Variants in CNTNAP5 observed in about 807,000 individuals in gnomAD.
CNTNAP5 encodes the protein contactin associated protein family member 5.
Under a neutral mutation model 150.2 loss-of-function variants are expected in CNTNAP5, and 72 were observed. That is an observed-to-expected ratio of 0.48 (90% CI 0.40 to 0.58). The LOEUF (loss-of-function observed/expected upper bound fraction) is 0.58, where lower values mean the gene tolerates loss of function less well. Among genes scored for constraint, CNTNAP5 ranks in the 20% least tolerant of loss-of-function variants. The pLI is 0.00. For synonymous variants in CNTNAP5, 672 were observed against 619.8 expected, an observed-to-expected ratio of 1.08 and a Z score of -1.25; for missense variants, 1,636 against 1,626.2, an observed-to-expected ratio of 1.01 and a Z score of -0.10.
chr2:124,690,889 T>C (rs1037617626), intron 13 of CNTNAP5, among the ~76,000 whole-genome samples: 9 of 152,074 alleles, frequency 5.9e-5, no homozygotes, highest in African/African-American at 2.2e-4. Flanking sequence ...ATCATGTTGC[T>C]ATACGGGCAA....
chr2:124,520,689 GC>G (rs1332038883), intron 8 of CNTNAP5, among the ~76,000 whole-genome samples: 1 of 151,972 alleles, frequency 6.6e-6, no homozygotes, highest in Non-Finnish European at 1.5e-5. Flanking sequence ...CCCCATATTG[GC>G]CCTCAATATC....
intron 10 of CNTNAP5, among the ~76,000 whole-genome samples, chr2:124,547,683 G>C (rs542355929): frequency 3.3e-4 from 50 of 152,326 alleles, no homozygotes; most frequent in African/African-American, 8.7e-4. Flanking sequence ...AGGCCAAAGA[G>C]AGCCCCTTGC....
intron 3 of CNTNAP5, among the ~76,000 whole-genome samples, chr2:124,273,645 C>T (rs1301061212): frequency 1.3e-5 from 2 of 152,148 alleles, no homozygotes; most frequent in Admixed American, 6.6e-5. Context: ...CCCTTAACCC[C>T]GACCTGCTAA....
intron 3 of CNTNAP5, among the ~76,000 whole-genome samples, chr2:124,403,965 A>G (rs903060695): frequency 6.6e-6 from 1 of 152,202 alleles, no homozygotes; most frequent in Non-Finnish European, 1.5e-5. Flanking sequence ...TAGCATGGAA[A>G]AAAACCCACC....
intron 2 of CNTNAP5, among the ~76,000 whole-genome samples, chr2:124,232,335 G>A (rs1246422924): frequency 6.6e-6 from 1 of 152,148 alleles, no homozygotes; most frequent in African/African-American, 2.4e-5. Flanking sequence ...ACATTGTGTG[G>A]TAGATGTTTT....
At chr2:124,497,074 C>T (rs922474902) in intron 7 of CNTNAP5, among the ~76,000 whole-genome samples, 3 of 152,098 alleles carry the variant, frequency 2.0e-5, no homozygotes, top group Admixed American at 6.5e-5. Context: ...GTTGAGAATC[C>T]GCTAGAGACC....
intron 19 of CNTNAP5, among the ~76,000 whole-genome samples, chr2:124,802,133 T>G (rs1372224516): frequency 6.6e-6 from 1 of 152,170 alleles, no homozygotes; most frequent in Non-Finnish European, 1.5e-5. Context: ...TTGTGCACAA[T>G]GGCTCTAATT....
intron 3 of CNTNAP5, among the ~76,000 whole-genome samples, chr2:124,317,480 C>A (rs1331157658): frequency 6.6e-6 from 1 of 152,126 alleles, no homozygotes; most frequent in Non-Finnish European, 1.5e-5. Flanking sequence ...AGGCTGCCTG[C>A]CCATCTAGGC....
chr2:124,193,171 C>T (rs1225636408), intron 1 of CNTNAP5, among the ~76,000 whole-genome samples: 2 of 152,160 alleles, frequency 1.3e-5, no homozygotes, highest in Non-Finnish European at 2.9e-5. Context: ...GATAAAGGCC[C>T]ACCTTCCTTA....
chr2:124,690,142 A>G (rs1558736686), intron 13 of CNTNAP5, among the ~76,000 whole-genome samples: 3 of 152,134 alleles, frequency 2.0e-5, no homozygotes, highest in African/African-American at 7.2e-5. Context: ...AGTAAAAAAA[A>G]TAAAATCATC....
intron 13 of CNTNAP5, among the ~76,000 whole-genome samples, chr2:124,673,811 C>A (rs1678871659): frequency 6.7e-6 from 1 of 149,774 alleles, no homozygotes; most frequent in Non-Finnish European, 1.5e-5. Context: ...GACTCCAATG[C>A]CCTCAAATAT....
At chr2:124,175,000 C>T (rs1685026419) in intron 1 of CNTNAP5, among the ~76,000 whole-genome samples, 1 of 152,110 alleles carries the variant, frequency 6.6e-6, no homozygotes, top group South Asian at 2.1e-4. Flanking sequence ...CATTTTTTAA[C>T]AATAAAATAT....
chr2:124,061,727 A>T lies in CNTNAP5; in HGVS notation c.82+35995A>T, dbSNP rs565786527. Among the ~76,000 whole-genome samples the T allele has an allele frequency of 2.0e-4, 30 of 152,340 alleles. No individual in the cohort carries two copies. In the South Asian group the frequency reaches 2.9e-3, roughly 15 times the overall value. On this transcript the variant is annotated intron_variant, in intron 1 of 23. Transcript: ENST00000682447. ...GTTCAAGGCTACCTAACTAAATAAT[A>T]ACAGAATTGGGTTTAATACTTAATC...
At chr2:124,240,516 G>A (rs1158572882) in intron 2 of CNTNAP5, among the ~76,000 whole-genome samples, 3 of 152,112 alleles carry the variant, frequency 2.0e-5, no homozygotes, top group Admixed American at 2.0e-4. Flanking sequence ...ACCAAAGAAG[G>A]AAGAGAGAAT....
At chr2:124,875,806 G>T (rs1313580872) in intron 21 of CNTNAP5, among the ~76,000 whole-genome samples, 4 of 149,456 alleles carry the variant, frequency 2.7e-5, no homozygotes, top group Non-Finnish European at 5.9e-5. Context: ...GAGCAATTCT[G>T]AACCATGGTG....
intron 3 of CNTNAP5, among the ~76,000 whole-genome samples, chr2:124,381,904 G>A (rs548870842): frequency 6.6e-6 from 1 of 152,198 alleles, no homozygotes; most frequent in South Asian, 2.1e-4. Context: ...GAAGAGGCGT[G>A]AAGCAAACTG....
intron 21 of CNTNAP5, among the ~76,000 whole-genome samples, chr2:124,896,920 A>C (rs1468520286): frequency 2.0e-5 from 3 of 151,532 alleles, no homozygotes; most frequent in African/African-American, 7.3e-5. Context: ...GACAGAGTTA[A>C]CTTCATTTTT....
intron 19 of CNTNAP5, 36 bp from the exon 20 acceptor site, chr2:124,865,270 G>A: frequency 6.5e-7 from 1 of 1,528,716 alleles, no homozygotes; most frequent in Non-Finnish European, 8.9e-7. Flanking sequence ...TATAGGTGCT[G>A]CTTTATATTC....
intron 8 of CNTNAP5, among the ~76,000 whole-genome samples, chr2:124,509,973 G>A (rs1286544580): frequency 2.0e-5 from 3 of 152,006 alleles, no homozygotes; most frequent in South Asian, 4.2e-4. Context: ...AGGCTGAGGC[G>A]GGTGGATTGC....
Sources: gnomAD v4.1 joint callset for allele counts (sites outside exome capture counted in the v4.1 genomes callset) on GRCh38, gnomAD v4.1.1 for gene constraint, MANE v1.5 for transcripts, NCBI Gene and HGNC (gene_info 2026-07-23, HGNC 2026-07-21) for gene names.